Variants in MACROD2 observed in about 807,000 individuals in gnomAD.
MACROD2 encodes mono-ADP ribosylhydrolase 2.
A neutral mutation model predicts 70.4 loss-of-function variants in MACROD2; 36 were observed. The observed-to-expected ratio is 0.51, with a 90% CI of 0.39 to 0.68. The LOEUF (loss-of-function observed/expected upper bound fraction) is 0.68, where lower values mean the gene tolerates loss of function less well. Among genes scored for constraint, MACROD2 ranks in the 30% least tolerant of loss-of-function variants. The probability of loss-of-function intolerance (pLI) is 0.00; values close to 1 mark genes in which losing one functional copy is unlikely to be tolerated. For synonymous variants in MACROD2, 172 were observed against 178.8 expected, an observed-to-expected ratio of 0.96 and a Z score of 0.30; for missense variants, 496 against 538.4, an observed-to-expected ratio of 0.92 and a Z score of 0.78.
intron 2 of MACROD2, among the ~76,000 whole-genome samples, chr20:14,042,521 CAG>C (rs2053406368): frequency 6.6e-6 from 1 of 152,134 alleles, no homozygotes; most frequent in Non-Finnish European, 1.5e-5. Context: ...CTTTTTGAGA[CAG>C]AGTCTCACGC....
At chr20:15,025,765 TACCCATCAGATGCCATTGGCACCTCCCA>T (rs894784931) in intron 5 of MACROD2, among the ~76,000 whole-genome samples, 2 of 152,104 alleles carry the variant, frequency 1.3e-5, no homozygotes, top group African/African-American at 4.8e-5. Flanking sequence ...CCCTGGCCTC[TACCCATCAGATGCCATTGGCACCTCCCA>T]ACCAAAACTG....
intron 6 of MACROD2, among the ~76,000 whole-genome samples, chr20:15,275,743 T>TAG (rs889675504): frequency 3.9e-5 from 6 of 152,138 alleles, no homozygotes; most frequent in African/African-American, 1.4e-4. Context: ...AAGCTATATC[T>TAG]GGCACAGGTG....
At chr20:14,464,003 G>A (rs2084406276) in intron 3 of MACROD2, among the ~76,000 whole-genome samples, 1 of 151,720 alleles carries the variant, frequency 6.6e-6, no homozygotes, top group African/African-American at 2.4e-5. Flanking sequence ...CTCTTTTTTT[G>A]TTGTGTCTCT....
At position 15,220,966 on chromosome 20, in the gene MACROD2, C is replaced by A. The variant is rs1205706615; in HGVS notation, c.419-8974C>A. 2.0e-5 allele frequency among the ~76,000 whole-genome samples: 3 copies of A among 152,210 alleles called. No individual in the cohort carries two copies. In the South Asian group the frequency reaches 6.2e-4, roughly 32 times the overall value. On this transcript the variant is annotated intron_variant, in intron 5 of 17. Coordinates refer to ENST00000684519, the MANE Select transcript of MACROD2 (RefSeq NM_001351661.2). ...TCTTTCTTGTCCAGGCGTGTGGTGG[C>A]ACGGGAGTGGTAAAGGAATGCTGAC...
At chr20:15,237,793 T>A (rs80002784) in intron 6 of MACROD2, among the ~76,000 whole-genome samples, 1 of 143,842 alleles carries the variant, frequency 7.0e-6, no homozygotes, top group African/African-American at 2.5e-5. Flanking sequence ...AGCTGGACTA[T>A]TTTTTTTTTT....
At chr20:15,932,572 A>G (rs2065596348) in intron 10 of MACROD2, among the ~76,000 whole-genome samples, 1 of 152,178 alleles carries the variant, frequency 6.6e-6, no homozygotes, top group Non-Finnish European at 1.5e-5. Context: ...TTCCAAACCA[A>G]AAGCAATTTG....
At chr20:15,403,268 T>C (rs1357678587) in intron 6 of MACROD2, among the ~76,000 whole-genome samples, 1 of 152,154 alleles carries the variant, frequency 6.6e-6, no homozygotes, top group African/African-American at 2.4e-5. Context: ...GCGTCTCACC[T>C]TAAGAAGTTT....
At chr20:14,036,944 G>A (rs1376820552) in intron 2 of MACROD2, among the ~76,000 whole-genome samples, 4 of 152,164 alleles carry the variant, frequency 2.6e-5, no homozygotes, top group Non-Finnish European at 4.4e-5. Context: ...CTAATCCAGC[G>A]TTTTGTGGTA....
At chr20:14,046,377 C>G (rs1025961312) in intron 2 of MACROD2, among the ~76,000 whole-genome samples, 9 of 152,238 alleles carry the variant, frequency 5.9e-5, no homozygotes, top group Admixed American at 5.9e-4. Context: ...TTTCAGACAG[C>G]ATCAGATTGA....
intron 11 of MACROD2, 44 bp downstream of exon 11, chr20:15,933,382 C>T (rs2065609457): frequency 2.0e-6 from 3 of 1,532,020 alleles, no homozygotes; most frequent in Non-Finnish European, 2.7e-6. Flanking sequence ...GCCTCATCTG[C>T]AGAGGTGAAC....
At chr20:14,983,010 G>A (rs190275534) in intron 5 of MACROD2, among the ~76,000 whole-genome samples, 1 of 152,210 alleles carries the variant, frequency 6.6e-6, no homozygotes, top group Non-Finnish European at 1.5e-5. Context: ...AGCCACAGGG[G>A]TGGAGCTACC....
At chr20:15,663,496 A>G (rs546156540) in intron 8 of MACROD2, among the ~76,000 whole-genome samples, 147 of 152,046 alleles carry the variant, frequency 9.7e-4, no homozygotes, top group Non-Finnish European at 1.7e-3. Context: ...TCGGCCTCCC[A>G]AAGTACTGGG....
intron 3 of MACROD2, among the ~76,000 whole-genome samples, chr20:14,260,706 A>C (rs2082094530): frequency 6.6e-6 from 1 of 152,254 alleles, no homozygotes; most frequent in Non-Finnish European, 1.5e-5. Context: ...TATATTTGAC[A>C]CATTCCTTAA....
intron 12 of MACROD2, among the ~76,000 whole-genome samples, chr20:15,945,659 C>T (rs1202195102): frequency 2.0e-5 from 3 of 152,152 alleles, no homozygotes; most frequent in Non-Finnish European, 2.9e-5. Context: ...TGATTTTTGA[C>T]AGTTCAATGG....
chr20:15,476,952 A>G (rs1303709610), intron 7 of MACROD2, among the ~76,000 whole-genome samples: 1 of 152,180 alleles, frequency 6.6e-6, no homozygotes, highest in Non-Finnish European at 1.5e-5. Flanking sequence ...TCATTAGACT[A>G]TCAACAATAT....
chr20:14,564,828 C>T (rs1332534180), intron 4 of MACROD2, among the ~76,000 whole-genome samples: 1 of 151,912 alleles, frequency 6.6e-6, no homozygotes, highest in African/African-American at 2.4e-5. Flanking sequence ...ATGTATCCTA[C>T]TTCTGGGTAT....
chr20:15,264,707 G>A (rs1374578888), intron 6 of MACROD2, among the ~76,000 whole-genome samples: 5 of 150,000 alleles, frequency 3.3e-5, no homozygotes, highest in Non-Finnish European at 6.0e-5. Flanking sequence ...CCTGGGCATG[G>A]AGACCTTTTA....
chr20:14,372,368 A>G (rs1262683789), intron 3 of MACROD2, among the ~76,000 whole-genome samples: 2 of 114,642 alleles, frequency 1.7e-5, no homozygotes, highest in Non-Finnish European at 3.9e-5. Flanking sequence ...AGAGAGTAAT[A>G]CTAAGACTGT....
chr20:14,235,090 CAG>C (rs2081856698), intron 3 of MACROD2, among the ~76,000 whole-genome samples: 1 of 151,998 alleles, frequency 6.6e-6, no homozygotes, highest in Admixed American at 6.6e-5. Context: ...GTAGTCTAAA[CAG>C]AGGAGTCATA....
Sources: allele counts gnomAD v4.1 joint callset (sites outside exome capture counted in the v4.1 genomes callset), GRCh38; gene constraint gnomAD v4.1.1; transcripts MANE v1.5; gene names NCBI Gene and HGNC (gene_info 2026-07-23, HGNC 2026-07-21).